Variants in ANP32A observed in about 807,000 individuals in gnomAD.
The protein encoded by ANP32A is acidic leucine-rich nuclear phosphoprotein 32 family member A.
In ANP32A, 1 loss-of-function variant was observed where a neutral mutation model predicts 33.9. The observed-to-expected ratio is 0.03, with a 90% CI of 0.01 to 0.14. The LOEUF is 0.14. Ranked by LOEUF, ANP32A falls within the 10% of genes least tolerant of loss-of-function variation. The pLI is 1.00. For missense variants in ANP32A, 155 were observed against 306.0 expected (o/e 0.51, Z 3.68); for synonymous variants, 115 against 120.5 (o/e 0.95, Z 0.30).
intron 3 of ANP32A, among the ~76,000 whole-genome samples, chr15:68,785,335 G>A (rs1893918687): frequency 6.6e-6 from 1 of 152,076 alleles, no homozygotes; most frequent in Admixed American, 6.6e-5. Context: ...TTTGATGGTA[G>A]AGGAAACTGA....
At chr15:68,816,889 T>C (rs541670277) in intron 1 of ANP32A, among the ~76,000 whole-genome samples, 1 of 152,146 alleles carries the variant, frequency 6.6e-6, no homozygotes, top group Non-Finnish European at 1.5e-5. Context: ...CAGGCTCAAT[T>C]TTCTGCCTGC....
At chr15:68,806,632 A>G (rs1294031513) in intron 1 of ANP32A, among the ~76,000 whole-genome samples, 1 of 152,248 alleles carries the variant, frequency 6.6e-6, no homozygotes, top group African/African-American at 2.4e-5. Flanking sequence ...GCTAAAAAGA[A>G]CAGAACTGCT....
In ANP32A at chr15:68,783,023, A is replaced by G; in HGVS notation, c.557T>C (p.Val186Ala). The G allele has an allele frequency of 6.4e-7, 1 of 1,551,720 alleles. No individual in the cohort carries two copies. The highest frequency in any genetic ancestry group is 8.7e-7 in the Non-Finnish European group (1 of 1,146,848). The change falls in exon 5 of 7, where the codon GTG becomes GCG. Residue 186 changes from valine (V) to alanine (A), a missense_variant. Physicochemically the swap from Val to Ala is moderately conservative, Grantham distance 64. This residue lies in a region of ANP32A where 63 missense variants were observed against 82.8 expected (regional missense o/e 0.76). Coordinates refer to ENST00000465139, the MANE Select transcript of ANP32A (RefSeq NM_006305.4). The part of the protein sequence containing the change: ...EEEYDEDAQV[V>A]EDEEDEDEEE... ...CTCATCCTCGTCCTCCTCGTCTTCC[A>G]CTACCTGAGCATCTTCATCATACTC... is the stretch of plus-strand genomic sequence containing the variant.
At chr15:68,807,428 G>GA (rs371519098) in intron 1 of ANP32A, among the ~76,000 whole-genome samples, 1 of 17,688 alleles carries the variant, frequency 5.7e-5, no homozygotes, top group Admixed American at 1.5e-3. Context: ...CACAGAAAAC[G>GA]GGGGGGGGGG....
At chr15:68,783,881 C>T (rs1232501113) in intron 4 of ANP32A, among the ~76,000 whole-genome samples, 1 of 152,106 alleles carries the variant, frequency 6.6e-6, no homozygotes, top group Non-Finnish European at 1.5e-5. Context: ...ACCAGGGGGC[C>T]CCACAACCCC....
At position 68,780,353 on chromosome 15, in the gene ANP32A, A is replaced by G; in HGVS notation, c.688+57T>C. The stretch of plus-strand genomic sequence containing the variant: ...AGGGGCCTCTGAGTCTAAGCAATCT[A>G]AGGCCAAAGTGAAAGGGCCAGGCTG... On this transcript the variant is annotated intron_variant, in intron 6 of 6. Transcript: ENST00000465139. The surrounding 1 kb of genome is among the most constrained non-coding windows in gnomAD (Gnocchi z 4.3). 6.2e-7 allele frequency: 1 copy of G among 1,612,874 alleles called. No homozygotes were observed. The highest frequency in any genetic ancestry group is 8.5e-7 in the Non-Finnish European group (1 of 1,179,226).
chr15:68,797,802 T>C (rs908037165), intron 1 of ANP32A, among the ~76,000 whole-genome samples: 4 of 152,212 alleles, frequency 2.6e-5, no homozygotes, highest in African/African-American at 9.7e-5. Flanking sequence ...TGAAGGCCAG[T>C]CATTCTTCCT....
At chr15:68,813,932 C>T (rs1172853394) in intron 1 of ANP32A, among the ~76,000 whole-genome samples, 9 of 131,758 alleles carry the variant, frequency 6.8e-5, no homozygotes, top group East Asian at 2.5e-4. Context: ...TGCAGTGGCA[C>T]GATCTCTGCT....
intron 5 of ANP32A, chr15:68,782,695 C>T (rs13379919): frequency 1.9e-5 from 10 of 524,422 alleles, no homozygotes; most frequent in African/African-American, 1.7e-4. Context: ...GAAACAACGG[C>T]CAGGCTTACC....
intron 1 of ANP32A, among the ~76,000 whole-genome samples, chr15:68,793,341 T>C (rs79631800): frequency 2.6e-5 from 4 of 152,198 alleles, no homozygotes; most frequent in African/African-American, 9.7e-5. Flanking sequence ...AGTGGTTTTT[T>C]GGAGTCTTTC....
chr15:68,784,470 G>T lies in ANP32A; in HGVS notation c.453C>A (p.Asp151Glu), dbSNP rs116525439. The change falls in exon 4 of 7, where the codon GAC becomes GAA. Residue 151 changes from aspartate to glutamate, a missense_variant. By Grantham distance (45) the Asp-to-Glu change is conservative. Coordinates refer to ENST00000465139, the MANE Select transcript of ANP32A (RefSeq NM_006305.4). ...CATCCGAGTCAGGGGCCTCCTTGTC[G>T]TCCCGGTCATAGCCGTCGAGATATG... ...QLTYLDGYDR[D>E]DKEAPDSDAE... 4 of 1,613,926 alleles carry T rather than the reference G, an allele frequency of 2.5e-6. No individual in the cohort carries two copies. Among genetic ancestry groups the T allele is most frequent in the Non-Finnish European group, 3.4e-6 (4 of 1,180,022 alleles).
At chr15:68,797,392 T>G (rs1409014350) in intron 1 of ANP32A, among the ~76,000 whole-genome samples, 1 of 152,144 alleles carries the variant, frequency 6.6e-6, no homozygotes, top group African/African-American at 2.4e-5. Flanking sequence ...ACCACAGCAC[T>G]GCACCCATGC....
rs367813764 is a variant in ANP32A, at chr15:68,793,763, C to T, written c.55-5844G>A. ...AGGGCCCAGCATAAAATGAAAAACA[C>T]GGAGCCCCTTGCTTAAAAATTAAGA... On this transcript the variant is annotated intron_variant, in intron 1 of 6. Coordinates refer to ENST00000465139, the MANE Select transcript of ANP32A (RefSeq NM_006305.4). Among the ~76,000 whole-genome samples, 39 of 152,280 alleles carry T rather than the reference C, an allele frequency of 2.6e-4. No individual in the cohort carries two copies. The South Asian group carries it at 7.5e-3, about 29-fold the overall frequency.
In ANP32A at chr15:68,780,624, G is replaced by A; in HGVS notation, c.625-151C>T. ...CATCTCGGGAGGAATGTAAAGCAGAGGTTCTTAATTTATTTCAGATCAAGG... is the reference window on the plus strand; with the variant it reads ...CATCTCGGGAGGAATGTAAAGCAGAAGTTCTTAATTTATTTCAGATCAAGG... On this transcript the variant is annotated intron_variant, in intron 5 of 6. Coordinates refer to ENST00000465139, the MANE Select transcript of ANP32A (RefSeq NM_006305.4). The surrounding 1 kb of genome is among the most constrained non-coding windows in gnomAD (Gnocchi z 4.3). 2.3e-6 allele frequency: 3 copies of A among 1,327,942 alleles called. No individual in the cohort carries two copies. The highest frequency in any genetic ancestry group is 2.6e-5 in the East Asian group (1 of 38,920). 82.3% of individuals were successfully genotyped at this position (1,327,942 alleles called of 1,614,324 possible).
intron 1 of ANP32A, among the ~76,000 whole-genome samples, chr15:68,798,125 C>T (rs1442834475): frequency 2.0e-5 from 3 of 152,212 alleles, no homozygotes; most frequent in African/African-American, 4.8e-5. Context: ...TGGCTGGGAC[C>T]GCTTGTGGAC....
At chr15:68,817,378 G>A (rs544138641) in intron 1 of ANP32A, 1 of 152,326 alleles carries the variant, frequency 6.6e-6, no homozygotes, top group Non-Finnish European at 1.5e-5. Flanking sequence ...CACGGAGCTC[G>A]ACCTACCTTC....
intron 1 of ANP32A, among the ~76,000 whole-genome samples, chr15:68,814,706 C>T (rs958351697): frequency 2.6e-5 from 4 of 152,338 alleles, no homozygotes; most frequent in South Asian, 2.1e-4. Flanking sequence ...ACTTCTGAAA[C>T]TCAAAGCCAC....
At position 68,783,063 on chromosome 15, in the gene ANP32A, C is replaced by G; in HGVS notation, c.527-10G>C. 1 of 1,551,730 alleles carries G rather than the reference C, an allele frequency of 6.4e-7. No individual in the cohort carries two copies. The highest frequency in any genetic ancestry group is 8.7e-7 in the Non-Finnish European group (1 of 1,146,976). On this transcript the variant is annotated splice_polypyrimidine_tract_variant and intron_variant, in intron 4 of 6. Transcript: ENST00000465139. ...TCATCATACTCCTCCTCTGTGCAAT[C>G]GAAATGGGGAACGGAAACAGAACTA...
chr15:68,785,713 G>A (rs144394461), intron 3 of ANP32A, among the ~76,000 whole-genome samples: 357 of 152,278 alleles, frequency 2.3e-3, no homozygotes, highest in African/African-American at 7.7e-3. Flanking sequence ...AAAGCACTGA[G>A]ACACGTGTGA....
Sources: gnomAD v4.1 joint callset for allele counts (sites outside exome capture counted in the v4.1 genomes callset) on GRCh38, gnomAD v4.1.1 for gene constraint, gnomAD v4.1.1 regional missense constraint, Gnocchi (gnomAD v3.1) non-coding constraint, MANE v1.5 for transcripts, NCBI Gene and HGNC (gene_info 2026-07-23, HGNC 2026-07-21) for gene names.